Variants in OSBPL3 observed in about 807,000 individuals in gnomAD.
The protein encoded by OSBPL3 is oxysterol binding protein like 3.
OSBPL3 carries 65 observed loss-of-function variants against 120.1 expected under a neutral mutation model. The observed-to-expected ratio is 0.54, with a 90% CI of 0.44 to 0.67. The LOEUF (loss-of-function observed/expected upper bound fraction) is 0.67, where lower values mean the gene tolerates loss of function less well. OSBPL3 is among the 30% of genes least tolerant of loss of function. The pLI is 0.00. For synonymous variants in OSBPL3, 416 were observed against 402.6 expected (o/e 1.03, Z -0.40); for missense variants, 1,004 against 1,082.1 (o/e 0.93, Z 1.01).
At chr7:24,826,210 C>T (rs1795689418) in intron 16 of OSBPL3, among the ~76,000 whole-genome samples, 1 of 152,218 alleles carries the variant, frequency 6.6e-6, no homozygotes, top group Admixed American at 6.5e-5. Context: ...AAGGGAAGTC[C>T]TTCCTCTCTG....
intron 10 of OSBPL3, among the ~76,000 whole-genome samples, chr7:24,857,417 C>T (rs1444935676): frequency 6.6e-6 from 1 of 152,194 alleles, no homozygotes; most frequent in Non-Finnish European, 1.5e-5. Flanking sequence ...TTTCTGCTAA[C>T]AGAACACTCT....
At chr7:24,917,424 ATATT>A (rs1361148054) in intron 1 of OSBPL3, among the ~76,000 whole-genome samples, 41 of 138,746 alleles carry the variant, frequency 3.0e-4, no homozygotes, top group East Asian at 2.1e-3. Context: ...ATATATATAT[ATATT>A]TGTAACATAT....
rs766330754 is a variant in OSBPL3, at chr7:24,912,101, C to T, written c.-149-19480G>A. On this transcript the variant is annotated intron_variant, in intron 1 of 22. Transcript: ENST00000313367. The surrounding 1 kb of genome is among the most constrained non-coding windows in gnomAD (Gnocchi z 4.5). ...GTTATTTGTTTATCAAATTGATAAC[C>T]TGTGTTCCCTCCCCTTCACACTAGC... is the stretch of plus-strand genomic sequence containing the variant. Among the ~76,000 whole-genome samples the T allele has an allele frequency of 2.6e-4, 40 of 152,148 alleles. No homozygotes were observed. The highest frequency in any genetic ancestry group is 5.0e-4 in the Non-Finnish European group (34 of 68,022).
Position 24,806,373 on chromosome 7 carries a change from C to T in OSBPL3, c.2444+403G>A, listed in dbSNP as rs140650848. 2.0e-5 allele frequency among the ~76,000 whole-genome samples: 3 copies of T among 152,278 alleles called. No homozygotes were observed. The East Asian group carries it at 5.8e-4, about 29-fold the overall frequency. ...AGGCCAGGAAAGATGAAAAGACCTACCATATATCACACACCTTGTGAGCAG... is the reference window on the plus strand; with the variant it reads ...AGGCCAGGAAAGATGAAAAGACCTATCATATATCACACACCTTGTGAGCAG... On this transcript the variant is annotated intron_variant, in intron 21 of 22. Coordinates refer to ENST00000313367, the MANE Select transcript of OSBPL3 (RefSeq NM_015550.4). The surrounding 1 kb of genome is among the most constrained non-coding windows in gnomAD (Gnocchi z 5.2).
intron 1 of OSBPL3, among the ~76,000 whole-genome samples, chr7:24,969,832 G>A (rs535276958): frequency 3.3e-5 from 5 of 152,070 alleles, no homozygotes; most frequent in Non-Finnish European, 7.4e-5. Context: ...GCCCTTCTCT[G>A]TCACCACCAA....
rs1348409632 is a variant in OSBPL3, at chr7:24,912,564, C to T, written c.-149-19943G>A. Among the ~76,000 whole-genome samples the T allele has an allele frequency of 1.3e-5, 2 of 152,198 alleles. No individual in the cohort carries two copies. The highest frequency in any genetic ancestry group is 2.1e-4 in the South Asian group (1 of 4,834). Reference sequence around the variant, plus strand: ...ACTCTCCCATCCTCACACCCAAAGACAGAACAGCCCCAGCACAGAACAATG... The same window carrying T: ...ACTCTCCCATCCTCACACCCAAAGATAGAACAGCCCCAGCACAGAACAATG... On this transcript the variant is annotated intron_variant, in intron 1 of 22. Coordinates refer to ENST00000313367, the MANE Select transcript of OSBPL3 (RefSeq NM_015550.4). This position sits in a 1 kb window ranked among gnomAD's most constrained non-coding sequence, Gnocchi z 4.5.
chr7:24,945,533 T>A (rs1004719333), intron 1 of OSBPL3, among the ~76,000 whole-genome samples: 1 of 152,272 alleles, frequency 6.6e-6, no homozygotes, highest in Non-Finnish European at 1.5e-5. Flanking sequence ...GAAAACATCC[T>A]GCACGAAGGG....
chr7:24,809,010 A>T (rs2128110789), intron 20 of OSBPL3, among the ~76,000 whole-genome samples: 1 of 152,280 alleles, frequency 6.6e-6, no homozygotes, highest in African/African-American at 2.4e-5. Flanking sequence ...AGCAGAATGT[A>T]TCCTCACTGA....
rs138225176 is a variant in OSBPL3 at position 24,947,555 on chromosome 7, A to G, written c.-150+32331T>C. Among the ~76,000 whole-genome samples the G allele has an allele frequency of 1.5e-3, 228 of 152,264 alleles. No individual in the cohort carries two copies. The highest frequency in any genetic ancestry group is 8.3e-3 in the East Asian group (43 of 5,186). Reference sequence around the variant, plus strand: ...ATCAAGAAATGAATTTCAAAGTAACATTTTTAGCATAATATTTAATCCCTA... The same window carrying G: ...ATCAAGAAATGAATTTCAAAGTAACGTTTTTAGCATAATATTTAATCCCTA... On this transcript the variant is annotated intron_variant, in intron 1 of 22. Transcript: ENST00000313367. This position sits in a 1 kb window ranked among gnomAD's most constrained non-coding sequence, Gnocchi z 4.4.
At position 24,813,767 on chromosome 7, in the gene OSBPL3, G is replaced by A. The variant is rs1264018398; in HGVS notation, c.2172+1292C>T. On this transcript the variant is annotated intron_variant, in intron 19 of 22. Transcript: ENST00000313367. The surrounding 1 kb of genome is among the most constrained non-coding windows in gnomAD (Gnocchi z 4.5). ...TTAAATGCCAATATTCCTTGAGGAG[G>A]GTCATGTTTTAAAGCTGTTTTAACT... Among the ~76,000 whole-genome samples, 1 of 152,118 alleles carries A rather than the reference G, an allele frequency of 6.6e-6. No individual in the cohort carries two copies. The highest frequency in any genetic ancestry group is 1.5e-5 in the Non-Finnish European group (1 of 68,016).
In OSBPL3 at chr7:24,871,763, T is replaced by C. The variant is rs1802149481; in HGVS notation, c.246A>G (p.Lys82=). ...TTACATCGGTTTGGCTCTTGGCATA[T>C]TTCAAGATTCCTTTGTCCAGATAGA... The part of the protein sequence containing the change: ...RFFYLDKGIL[K]YAKSQTDIER... The change falls in exon 4 of 23, where the codon AAA becomes AAG. Residue 82 remains lysine (K), a synonymous_variant. Transcript: ENST00000313367. This position sits in a 1 kb window ranked among gnomAD's most constrained non-coding sequence, Gnocchi z 4.8. 1 of 1,613,298 alleles carries C rather than the reference T, an allele frequency of 6.2e-7. No individual in the cohort carries two copies.
At chr7:24,944,661 T>C (rs1326876356) in intron 1 of OSBPL3, among the ~76,000 whole-genome samples, 3 of 151,976 alleles carry the variant, frequency 2.0e-5, no homozygotes, top group Non-Finnish European at 4.4e-5. Flanking sequence ...TTTAAGAATA[T>C]AAAATCTCAA....
At chr7:24,875,352 C>A (rs770465943) in intron 2 of OSBPL3, among the ~76,000 whole-genome samples, 15 of 152,158 alleles carry the variant, frequency 9.9e-5, no homozygotes, top group Non-Finnish European at 2.1e-4. Flanking sequence ...ACACCTGTAT[C>A]CTCTCCATTT....
At position 24,940,790 on chromosome 7, in the gene OSBPL3, C is replaced by T. The variant is rs1263244160; in HGVS notation, c.-150+39096G>A. 1.3e-5 allele frequency among the ~76,000 whole-genome samples: 2 copies of T among 151,432 alleles called. No homozygotes were observed. The highest frequency in any genetic ancestry group is 2.9e-5 in the Non-Finnish European group (2 of 67,894). The stretch of plus-strand genomic sequence containing the variant: ...ACCAAAGCTCACACTTCCCACATCG[C>T]TCTTCTTAACATTTCTTCCTTTTTT... On this transcript the variant is annotated intron_variant, in intron 1 of 22. Transcript: ENST00000313367. The surrounding 1 kb of genome is among the most constrained non-coding windows in gnomAD (Gnocchi z 4.4).
intron 15 of OSBPL3, among the ~76,000 whole-genome samples, chr7:24,832,814 G>A (rs1398700497): frequency 1.3e-5 from 2 of 152,182 alleles, no homozygotes; most frequent in African/African-American, 4.8e-5. Context: ...TGGCATGAGG[G>A]AGAGTCCAGG....
rs1370488661 is a variant in OSBPL3, at chr7:24,947,874, G to A, written c.-150+32012C>T. 6.6e-6 allele frequency among the ~76,000 whole-genome samples: 1 copy of A among 151,932 alleles called. No homozygotes were observed. The highest frequency in any genetic ancestry group is 1.5e-5 in the Non-Finnish European group (1 of 68,006). ...GTTGGTAATTTGACACTGTACAGGGGAACAATATAATGTCCCCAAAGAGCT... is the reference window on the plus strand; with the variant it reads ...GTTGGTAATTTGACACTGTACAGGGAAACAATATAATGTCCCCAAAGAGCT... On this transcript the variant is annotated intron_variant, in intron 1 of 22. Coordinates refer to ENST00000313367, the MANE Select transcript of OSBPL3 (RefSeq NM_015550.4). The surrounding 1 kb of genome is among the most constrained non-coding windows in gnomAD (Gnocchi z 4.4).
chr7:24,909,180 C>G (rs1808407338), intron 1 of OSBPL3, among the ~76,000 whole-genome samples: 1 of 152,146 alleles, frequency 6.6e-6, no homozygotes, highest in South Asian at 2.1e-4. Context: ...GCATGCATGC[C>G]TTGGCTTGTT....
chr7:24,917,446 T>TATATTTGTAACATATATATATAC lies in OSBPL3; in HGVS notation c.-149-24826_-149-24825insGTATATATATATGTTACAAATAT, dbSNP rs1366145573. 1.7e-3 allele frequency among the ~76,000 whole-genome samples: 203 copies of TATATTTGTAACATATATATATAC among 122,128 alleles called. 3 individuals are homozygous for TATATTTGTAACATATATATATAC. Among genetic ancestry groups the TATATTTGTAACATATATATATAC allele is most frequent in the African/African-American group, 5.9e-3 (191 of 32,464 alleles). 80.1% of individuals were successfully genotyped at this position (122,128 alleles called of 152,430 possible). ...TATATATTTGTAACATATATATATA[T>TATATTTGTAACATATATATATAC]ACACACACATATATATATATATACA... On this transcript the variant is annotated intron_variant, in intron 1 of 22. Transcript: ENST00000313367.
intron 1 of OSBPL3, among the ~76,000 whole-genome samples, chr7:24,935,947 T>C (rs1438016447): frequency 6.6e-6 from 1 of 152,130 alleles, no homozygotes; most frequent in Non-Finnish European, 1.5e-5. Context: ...GTTAGTTACA[T>C]ATGTATACAT....
Sources: allele counts gnomAD v4.1 joint callset (sites outside exome capture counted in the v4.1 genomes callset), GRCh38; gene constraint gnomAD v4.1.1; non-coding constraint Gnocchi (gnomAD v3.1); transcripts MANE v1.5; gene names NCBI Gene and HGNC (gene_info 2026-07-23, HGNC 2026-07-21).